Variants in ANTXR1 observed in about 807,000 individuals in gnomAD.
The protein encoded by ANTXR1 is ANTXR cell adhesion molecule 1, also known as anthrax toxin receptor 1.
Under a neutral mutation model 78.1 loss-of-function variants are expected in ANTXR1, and 19 were observed. The ratio of observed to expected loss-of-function variants is 0.24; its 90% CI spans 0.17 to 0.36. The LOEUF is 0.36. Among genes scored for constraint, ANTXR1 ranks in the 10% least tolerant of loss-of-function variants. The pLI, the probability that ANTXR1 is intolerant of heterozygous loss-of-function variation, is 1.00. For synonymous variants in ANTXR1, 273 were observed against 260.5 expected (o/e 1.05, Z -0.46); for missense variants, 518 against 718.6 (o/e 0.72, Z 3.19).
intron 13 of ANTXR1, among the ~76,000 whole-genome samples, chr2:69,153,629 A>G (rs1673454974): frequency 6.6e-6 from 1 of 152,214 alleles, no homozygotes; most frequent in Admixed American, 6.5e-5. Context: ...TTTTGAGGGT[A>G]AAAAATCCTC....
chr2:69,188,484 A>G (rs1051667358), intron 16 of ANTXR1, among the ~76,000 whole-genome samples: 4 of 152,364 alleles, frequency 2.6e-5, no homozygotes, highest in East Asian at 3.9e-4. Context: ...TAGAGTTTAC[A>G]TAGAACTTCC....
At chr2:69,019,735 C>T (rs968189454) in intron 1 of ANTXR1, among the ~76,000 whole-genome samples, 1 of 152,166 alleles carries the variant, frequency 6.6e-6, no homozygotes, top group East Asian at 1.9e-4. Flanking sequence ...CTCCTGTCAC[C>T]TTCCACCCTC....
At chr2:69,018,264 CTTCTG>C (rs766862980) in intron 1 of ANTXR1, among the ~76,000 whole-genome samples, 9 of 152,160 alleles carry the variant, frequency 5.9e-5, no homozygotes, top group Non-Finnish European at 1.2e-4. Context: ...TGCCATTTCC[CTTCTG>C]TTCGGCACCA....
chr2:69,107,644 G>A (rs904089139), intron 10 of ANTXR1, among the ~76,000 whole-genome samples: 8 of 151,670 alleles, frequency 5.3e-5, no homozygotes, highest in African/African-American at 1.9e-4. Flanking sequence ...GATCAAGCTC[G>A]CTGATGACAA....
chr2:69,099,860 C>G (rs148484570), intron 9 of ANTXR1, among the ~76,000 whole-genome samples: 11 of 152,318 alleles, frequency 7.2e-5, no homozygotes, highest in Non-Finnish European at 1.3e-4. Flanking sequence ...GAGACTGACT[C>G]AGTCCTGGGT....
At chr2:69,039,674 GT>G (rs1472462114) in intron 1 of ANTXR1, among the ~76,000 whole-genome samples, 2 of 152,130 alleles carry the variant, frequency 1.3e-5, no homozygotes, top group African/African-American at 4.8e-5. Context: ...GATTAGAACA[GT>G]TTTTCTTCCC....
chr2:69,121,740 C>T lies in ANTXR1; in HGVS notation c.803-1277C>T, dbSNP rs570492171. On this transcript the variant is annotated intron_variant, in intron 10 of 17. Coordinates refer to ENST00000303714, the MANE Select transcript of ANTXR1 (RefSeq NM_032208.3). ...GATTAATGACATAGATCTTATTCATCTTCATTTCACCTGTAGGCCCTACCA... is the reference window on the plus strand; with the variant it reads ...GATTAATGACATAGATCTTATTCATTTTCATTTCACCTGTAGGCCCTACCA... 2.6e-5 allele frequency among the ~76,000 whole-genome samples: 4 copies of T among 152,284 alleles called. No individual in the cohort carries two copies. The East Asian group carries it at 7.7e-4, about 29-fold the overall frequency.
At chr2:69,015,470 G>A (rs1313679532) in intron 1 of ANTXR1, among the ~76,000 whole-genome samples, 2 of 151,868 alleles carry the variant, frequency 1.3e-5, no homozygotes, top group African/African-American at 4.8e-5. Context: ...TAAACATTTA[G>A]TGGAATTTCC....
At chr2:69,100,889 T>C (rs2104312960) in intron 9 of ANTXR1, among the ~76,000 whole-genome samples, 1 of 152,326 alleles carries the variant, frequency 6.6e-6, no homozygotes, top group Non-Finnish European at 1.5e-5. Flanking sequence ...AGCCCATCTT[T>C]CTAAACGTAG....
chr2:69,128,511 A>G (rs963094260), intron 12 of ANTXR1, among the ~76,000 whole-genome samples: 1 of 152,184 alleles, frequency 6.6e-6, no homozygotes, highest in Non-Finnish European at 1.5e-5. Context: ...GACAACATGT[A>G]TCCGGGGGTA....
intron 2 of ANTXR1, among the ~76,000 whole-genome samples, chr2:69,043,250 G>T (rs1473796855): frequency 1.3e-5 from 2 of 151,954 alleles, no homozygotes; most frequent in Non-Finnish European, 2.9e-5. Flanking sequence ...CATCTTTCAG[G>T]GCCTCAATTT....
intron 1 of ANTXR1, among the ~76,000 whole-genome samples, chr2:69,019,537 T>A (rs59713567): frequency 6.6e-6 from 1 of 152,196 alleles, no homozygotes; most frequent in Non-Finnish European, 1.5e-5. Flanking sequence ...AATTTCTTTT[T>A]TTCAACTTTT....
intron 12 of ANTXR1, among the ~76,000 whole-genome samples, chr2:69,127,097 G>T (rs1417668516): frequency 2.6e-5 from 4 of 152,162 alleles, no homozygotes; most frequent in African/African-American, 9.7e-5. Flanking sequence ...CCTGTGTGAT[G>T]GGGGAAGGGA....
intron 3 of ANTXR1, among the ~76,000 whole-genome samples, chr2:69,067,316 A>G (rs1670427299): frequency 6.6e-6 from 1 of 151,992 alleles, no homozygotes; most frequent in South Asian, 2.1e-4. Context: ...CAAAAAAAAA[A>G]AAAAAGTCAA....
chr2:69,089,753 T>C (rs1256744370), intron 8 of ANTXR1, among the ~76,000 whole-genome samples: 1 of 152,248 alleles, frequency 6.6e-6, no homozygotes, highest in East Asian at 1.9e-4. Context: ...TCGTCAGTTG[T>C]TTTAACAAAT....
At chr2:69,138,139 G>T (rs146238496) in intron 12 of ANTXR1, among the ~76,000 whole-genome samples, 30 of 151,988 alleles carry the variant, frequency 2.0e-4, no homozygotes, top group African/African-American at 6.3e-4. Context: ...ATTGGTAGAG[G>T]GGGGAAGGAG....
At chr2:69,153,559 C>T (rs1483625905) in intron 13 of ANTXR1, among the ~76,000 whole-genome samples, 3 of 152,150 alleles carry the variant, frequency 2.0e-5, no homozygotes, top group African/African-American at 7.2e-5. Flanking sequence ...CAGATTCTTA[C>T]CAGAGCAGCT....
intron 17 of ANTXR1, among the ~76,000 whole-genome samples, chr2:69,234,337 A>C (rs1346509789): frequency 2.0e-5 from 3 of 152,216 alleles, no homozygotes; most frequent in Admixed American, 6.5e-5. Flanking sequence ...TTATTTAACA[A>C]ATGGTATTTC....
intron 17 of ANTXR1, among the ~76,000 whole-genome samples, chr2:69,206,225 A>C (rs1028977940): frequency 1.3e-5 from 2 of 152,216 alleles, no homozygotes; most frequent in Admixed American, 6.5e-5. Context: ...GACTGGCCTC[A>C]ATTACTGCAA....
Sources: allele counts gnomAD v4.1 joint callset (sites outside exome capture counted in the v4.1 genomes callset), GRCh38; gene constraint gnomAD v4.1.1; transcripts MANE v1.5; gene names NCBI Gene and HGNC (gene_info 2026-07-23, HGNC 2026-07-21).